The following UGT2B11 variants were observed in gnomAD, a reference collection of about 807,000 sequenced individuals.
UGT2B11 encodes the protein UDP-glucuronosyltransferase 2B11.
A neutral mutation model predicts 51.7 loss-of-function variants in UGT2B11; 49 were observed. That is an observed-to-expected ratio of 0.95 (90% CI 0.75 to 1.20). UGT2B11 has a LOEUF of 1.20. Among genes scored for constraint, UGT2B11 ranks in the 50% most tolerant of loss-of-function variants. The probability of loss-of-function intolerance (pLI) is 0.00; values close to 1 mark genes in which losing one functional copy is unlikely to be tolerated. For synonymous variants in UGT2B11, 273 were observed against 209.0 expected (o/e 1.31, Z -2.64); for missense variants, 810 against 622.1 (o/e 1.30, Z -3.21).
intron 5 of UGT2B11, 122 bp downstream of exon 5, chr4:69,204,308 T>G: frequency 1.4e-6 from 2 of 1,406,770 alleles, no homozygotes; most frequent in South Asian, 1.5e-5. Context: ...GATTTCAGAT[T>G]GGTTATATCA....
Position 69,204,436 on chromosome 4 carries a change from T to C in UGT2B11, c.1304A>G (p.Asp435Gly), listed in dbSNP as rs373187026. Residue 435 changes from aspartate to glycine, a missense_variant, in exon 5 of 6, where the codon GAT becomes GGT. Asp to Gly is a moderately conservative substitution (Grantham distance 94, BLOSUM62 -1). Transcript: ENST00000446444. ...AAAACATTGTTCTACTCACAAAGGA[T>C]CATTAATTACTGTCTTCAGTGCATT... ...LLNALKTVIN[D>G]PLYKENIMKL... 4.0e-5 allele frequency: 64 copies of C among 1,611,546 alleles called. No individual in the cohort carries two copies. Among genetic ancestry groups the C allele is most frequent in the Non-Finnish European group, 5.3e-5 (63 of 1,178,448 alleles).
At position 69,212,559 on chromosome 4, in the gene UGT2B11, A is replaced by G. The variant is rs111539577; in HGVS notation, c.870+14T>C. On this transcript the variant is annotated intron_variant, in intron 2 of 5. Coordinates refer to ENST00000446444, the MANE Select transcript of UGT2B11 (RefSeq NM_001073.3). ...TCGAAGCCAACAAAATAAAACCAAC[A>G]AAAGTATGTTTACCTTAGGTAGGGG... is the stretch of plus-strand genomic sequence containing the variant. 5.6e-4 allele frequency: 890 copies of G among 1,598,624 alleles called. 3 individuals are homozygous for G. The African/African-American group carries it at 0.01, about 18-fold the overall frequency.
At chr4:69,200,936 T>A (rs1721635487) in intron 5 of UGT2B11, among the ~76,000 whole-genome samples, 1 of 151,834 alleles carries the variant, frequency 6.6e-6, no homozygotes, top group Admixed American at 6.6e-5. Flanking sequence ...AAATGGAAGG[T>A]CAGGTGAGAA....
At chr4:69,217,891 G>A (rs557225137), upstream of UGT2B11, among the ~76,000 whole-genome samples, 38 of 152,216 alleles carry the variant, frequency 2.5e-4, no homozygotes, top group South Asian at 2.1e-3. Context: ...ATGGCAGCCC[G>A]TCACCATGTC....
At chr4:69,222,270 A>C in the UGT2B11 span, among the ~76,000 whole-genome samples, 1 of 152,270 alleles carries the variant, frequency 6.6e-6, no homozygotes, top group Admixed American at 6.5e-5. Context: ...TATCCTTTAA[A>C]ATAAGTTGGC....
rs950670856 is a variant in UGT2B11, at chr4:69,208,262, C to A, written c.1002+89G>T. On this transcript the variant is annotated intron_variant, in intron 3 of 5. Coordinates refer to ENST00000446444, the MANE Select transcript of UGT2B11 (RefSeq NM_001073.3). ...GATGTATTTGGATGTAAAGAGTTCA[C>A]TCTACTCTTAATATTCTTTCTATGT... The A allele has an allele frequency of 8.5e-5, 134 of 1,579,826 alleles. 2 individuals are homozygous for A. The highest frequency in any genetic ancestry group is 1.1e-4 in the Non-Finnish European group (126 of 1,166,256).
At chr4:69,215,067 T>C (rs1041735074), upstream of UGT2B11, 4 of 201,960 alleles carry the variant, frequency 2.0e-5, no homozygotes, top group African/African-American at 9.3e-5. Flanking sequence ...GATGAAATGA[T>C]TGTACAATGC....
chr4:69,200,777 T>A, intron 5 of UGT2B11, 58 bp from the exon 6 acceptor site: 1 of 1,503,448 alleles, frequency 6.7e-7, no homozygotes, highest in South Asian at 1.4e-5. Flanking sequence ...CCTGTACATA[T>A]CAAGTCTATG....
chr4:69,209,345 A>T (rs1301798209), intron 2 of UGT2B11, among the ~76,000 whole-genome samples: 1 of 151,628 alleles, frequency 6.6e-6, no homozygotes, highest in Admixed American at 6.6e-5. Flanking sequence ...CAGAGGCAGC[A>T]CTGGCACCAG....
chr4:69,213,758 A>G (rs1037234952), intron 1 of UGT2B11, among the ~76,000 whole-genome samples: 1 of 151,884 alleles, frequency 6.6e-6, no homozygotes, highest in African/African-American at 2.4e-5. Flanking sequence ...TCTTAGGTGT[A>G]CTAATATATA....
At chr4:69,222,693 C>T in the UGT2B11 span, among the ~76,000 whole-genome samples, 1 of 152,148 alleles carries the variant, frequency 6.6e-6, no homozygotes, top group Non-Finnish European at 1.5e-5. Flanking sequence ...AAAGGACTGC[C>T]CCAATTCTTG....
chr4:69,214,561 A>G lies in UGT2B11; in HGVS notation c.162T>C (p.Thr54=), dbSNP rs1181291388. Residue 54 remains threonine, a synonymous_variant, in exon 1 of 6, where the codon ACT becomes ACC. Transcript: ENST00000446444. ...GAATGGAAGCTGAAGATGCCAGTACAGTCACCTCATGACCTCTCTGAACAA... is the reference window on the plus strand; with the variant it reads ...GAATGGAAGCTGAAGATGCCAGTACGGTCACCTCATGACCTCTCTGAACAA... ...KELVQRGHEV[T]VLASSASILF... The G allele has an allele frequency of 3.7e-6, 6 of 1,613,216 alleles. 1 individual carries two copies. The Admixed American group carries it at 8.3e-5, about 22-fold the overall frequency.
At chr4:69,224,446 G>GA in the UGT2B11 span, among the ~76,000 whole-genome samples, 1 of 152,104 alleles carries the variant, frequency 6.6e-6, no homozygotes, top group African/African-American at 2.4e-5. Context: ...GGTCAGGGTT[G>GA]TTAGAGAGCC....
chr4:69,218,332 A>G (rs553777703), upstream of UGT2B11, among the ~76,000 whole-genome samples: 15 of 152,248 alleles, frequency 9.9e-5, 1 homozygote, highest in South Asian at 3.1e-3. Flanking sequence ...TCCTATCACT[A>G]TTGGTAGGGA....
chr4:69,216,596 CT>C (rs1722280545), upstream of UGT2B11: 1 of 151,506 alleles, frequency 6.6e-6, no homozygotes, highest in African/African-American at 2.4e-5. Flanking sequence ...TAAAATACAA[CT>C]GTCAGCATAA....
chr4:69,211,957 C>G (rs1722081132), intron 2 of UGT2B11, among the ~76,000 whole-genome samples: 2 of 151,400 alleles, frequency 1.3e-5, no homozygotes, highest in African/African-American at 4.8e-5. Context: ...AAAACAAAAC[C>G]TGAGGACTTG....
chr4:69,209,063 T>C (rs1240762752), intron 2 of UGT2B11, among the ~76,000 whole-genome samples: 2 of 151,622 alleles, frequency 1.3e-5, no homozygotes, highest in Non-Finnish European at 3.0e-5. Context: ...TTTCCAGTAG[T>C]TTTTCAAAAA....
At position 69,214,286 on chromosome 4, in the gene UGT2B11, T is replaced by A. The variant is rs1461515634; in HGVS notation, c.437A>T (p.Asp146Val). The A allele has an allele frequency of 7.4e-6, 12 of 1,613,320 alleles. No homozygotes were observed. Among genetic ancestry groups the A allele is most frequent in the Non-Finnish European group, 1.0e-5 (12 of 1,179,522 alleles). The change falls in exon 1 of 6, where the codon GAC becomes GTC. Residue 146 changes from aspartate to valine, a missense_variant. By Grantham distance (152) the Asp-to-Val change is radical. Transcript: ENST00000446444. ...AAAAACAGCATCTGCAAAAACGATGTCAAATCTTGACTCTTGTAGTTTTTT... is the reference window on the plus strand; with the variant it reads ...AAAAACAGCATCTGCAAAAACGATGACAAATCTTGACTCTTGTAGTTTTTT... Reference protein sequence around the residue: ...VMKKLQESRFDIVFADAVFPC... With the variant: ...VMKKLQESRFVIVFADAVFPC...
chr4:69,210,054 T>G (rs1227361610), intron 2 of UGT2B11, among the ~76,000 whole-genome samples: 3 of 151,562 alleles, frequency 2.0e-5, no homozygotes, highest in African/African-American at 4.8e-5. Flanking sequence ...GACACTTATT[T>G]AGAAAATTTT....
Sources: gnomAD v4.1 joint callset for allele counts (sites outside exome capture counted in the v4.1 genomes callset) on GRCh38, gnomAD v4.1.1 for gene constraint, MANE v1.5 for transcripts, NCBI Gene and HGNC (gene_info 2026-07-23, HGNC 2026-07-21) for gene names.